Variants in KMT2C observed in about 807,000 individuals in gnomAD.
KMT2C encodes the protein histone-lysine N-methyltransferase 2C.
In KMT2C, 88 loss-of-function variants were observed where a neutral mutation model predicts 507.9. The ratio of observed to expected loss-of-function variants is 0.17; its 90% CI spans 0.15 to 0.21. The LOEUF (loss-of-function observed/expected upper bound fraction) is 0.21. Among genes scored for constraint, KMT2C ranks in the 10% least tolerant of loss-of-function variants. The pLI, the probability that KMT2C is intolerant of heterozygous loss-of-function variation, is 1.00. For missense variants in KMT2C, 4,954 were observed against 5,957.8 expected, an observed-to-expected ratio of 0.83 and a Z score of 5.55; for synonymous variants, 2,049 against 2,080.8, an observed-to-expected ratio of 0.98 and a Z score of 0.42.
intron 2 of KMT2C, among the ~76,000 whole-genome samples, chr7:152,333,202 A>G (rs1330732561): frequency 6.6e-6 from 1 of 152,048 alleles, no homozygotes; most frequent in Non-Finnish European, 1.5e-5. Flanking sequence ...GCTGGAGTGC[A>G]GTAGTATGAT....
At chr7:152,233,909 C>T (rs1274348037) in intron 16 of KMT2C, among the ~76,000 whole-genome samples, 2 of 152,154 alleles carry the variant, frequency 1.3e-5, no homozygotes, top group African/African-American at 4.8e-5. Flanking sequence ...CTTTGGGAGA[C>T]GGATCATCTG....
chr7:152,416,120 G>A (rs1253086733), intron 1 of KMT2C, among the ~76,000 whole-genome samples: 1 of 152,198 alleles, frequency 6.6e-6, no homozygotes, highest in Non-Finnish European at 1.5e-5. Context: ...TGGGCATGGT[G>A]GCTTATGCCT....
rs1357113223 is a variant in KMT2C at position 152,182,036 on chromosome 7, T to C, written c.5824A>G (p.Thr1942Ala). The C allele has an allele frequency of 1.2e-6, 2 of 1,614,062 alleles. No homozygotes were observed. Among genetic ancestry groups the C allele is most frequent in the African/African-American group, 1.3e-5 (1 of 74,914 alleles). The change falls in exon 36 of 59, where the codon ACA (threonine) becomes GCA (alanine). Residue 1942 changes from threonine to alanine, a missense_variant. Coordinates refer to ENST00000262189, the MANE Select transcript of KMT2C (RefSeq NM_170606.3). ...VSRPLQMNET[T>A]ANRPSPVRDL... is the part of the protein sequence containing the mutation. ...CTGACAGGGGATGGCCTATTTGCTG[T>C]TGTCTCATTCATTTGAAGGGGCCTA...
At chr7:152,186,547 G>A (rs564079018) in intron 33 of KMT2C, among the ~76,000 whole-genome samples, 1 of 152,154 alleles carries the variant, frequency 6.6e-6, no homozygotes, top group Admixed American at 6.5e-5. Flanking sequence ...ATCCAAAAAG[G>A]TACCTAAATA....
At chr7:152,320,211 A>C (rs2096760521) in intron 3 of KMT2C, among the ~76,000 whole-genome samples, 1 of 152,116 alleles carries the variant, frequency 6.6e-6, no homozygotes, top group Non-Finnish European at 1.5e-5. Context: ...AAAATCCAAA[A>C]AAAATCCAAA....
chr7:152,287,240 T>C (rs1034319650), intron 6 of KMT2C, among the ~76,000 whole-genome samples: 8 of 152,218 alleles, frequency 5.3e-5, no homozygotes, highest in African/African-American at 1.9e-4. Flanking sequence ...TATTGGAGAA[T>C]CCAAACTCAA....
chr7:152,416,722 T>A (rs1262131414), intron 1 of KMT2C, among the ~76,000 whole-genome samples: 6 of 134,846 alleles, frequency 4.4e-5, no homozygotes, highest in Non-Finnish European at 7.9e-5. Flanking sequence ...AGACTCTGTA[T>A]CAAAAAAAAA....
rs542548967 is a variant in KMT2C at position 152,136,093 on chromosome 7, T to C, written c.*739A>G. 4.6e-6 allele frequency: 1 copy of C among 216,632 alleles called. No individual in the cohort carries two copies. Among genetic ancestry groups the C allele is most frequent in the African/African-American group, 2.2e-5 (1 of 44,588 alleles). 13.4% of individuals were successfully genotyped at this position (216,632 alleles called of 1,614,324 possible). On this transcript the variant is annotated 3_prime_UTR_variant, in exon 59 of 59. Transcript: ENST00000262189. Reference sequence around the variant, plus strand: ...ATCTGTACAAAGTAACAGGGTTTGTTAGTTCTGCAGGTAACAGCAGCAGCT... The same window carrying C: ...ATCTGTACAAAGTAACAGGGTTTGTCAGTTCTGCAGGTAACAGCAGCAGCT...
In KMT2C at chr7:152,163,375, T is replaced by TTACGTTCCC. The variant is rs2092561347; in HGVS notation, c.10193_10201dup (p.Arg3398_Arg3400dup). On this transcript the variant is annotated inframe_insertion, in exon 43 of 59. Coordinates refer to ENST00000262189, the MANE Select transcript of KMT2C (RefSeq NM_170606.3). ...CTCTTGCTGTTCTCGTAAACGTTCC[T>TTACGTTCCC]TACGTTCCCGTTCTTGAAAACTTTC... The TTACGTTCCC allele has an allele frequency of 2.5e-6, 4 of 1,614,226 alleles. No homozygotes were observed. The highest frequency in any genetic ancestry group is 1.1e-5 in the South Asian group (1 of 91,080).
At chr7:152,397,829 A>C (rs1388736854) in intron 1 of KMT2C, among the ~76,000 whole-genome samples, 2 of 152,190 alleles carry the variant, frequency 1.3e-5, no homozygotes, top group East Asian at 3.8e-4. Flanking sequence ...ACCACGTAAG[A>C]CATGCCTTCT....
chr7:152,354,011 T>C lies in KMT2C; in HGVS notation c.250+4576A>G, dbSNP rs1047445597. Among the ~76,000 whole-genome samples the C allele has an allele frequency of 3.3e-5, 5 of 152,188 alleles. No homozygotes were observed. The South Asian group carries it at 6.2e-4, about 19-fold the overall frequency. ...TTTAGTGGTTATAACAGTTATTCTT[T>C]CTTTCACTGTTCTCCTTGCCCTATG... On this transcript the variant is annotated intron_variant, in intron 2 of 58. Transcript: ENST00000262189.
intron 6 of KMT2C, among the ~76,000 whole-genome samples, chr7:152,283,088 A>G (rs1197698884): frequency 6.6e-6 from 1 of 152,272 alleles, no homozygotes; most frequent in Non-Finnish European, 1.5e-5. Context: ...AATGCGCCAT[A>G]AAGCTAATTC....
At chr7:152,327,040 T>A (rs2096835374) in intron 3 of KMT2C, among the ~76,000 whole-genome samples, 1 of 152,222 alleles carries the variant, frequency 6.6e-6, no homozygotes, top group Admixed American at 6.5e-5. Flanking sequence ...GCTTTCTCAG[T>A]GTACATTCAC....
chr7:152,336,180 G>T (rs1349446321), intron 2 of KMT2C, among the ~76,000 whole-genome samples: 2 of 152,072 alleles, frequency 1.3e-5, no homozygotes, highest in African/African-American at 4.8e-5. Context: ...TTCCTAGATA[G>T]CAGTAATTCC....
chr7:152,187,364 T>C lies in KMT2C; in HGVS notation c.4906A>G (p.Thr1636Ala). Residue 1636 changes from threonine to alanine, a missense_variant, in exon 33 of 59, where the codon ACG becomes GCG. By Grantham distance (58) the Thr-to-Ala change is moderately conservative. Coordinates refer to ENST00000262189, the MANE Select transcript of KMT2C (RefSeq NM_170606.3). Reference sequence around the variant, plus strand: ...GCCTCCTCTTTCTCCCACTTAAGCGTGCTTCTCTGGGCATTCGACATTGTG... The same window carrying C: ...GCCTCCTCTTTCTCCCACTTAAGCGCGCTTCTCTGGGCATTCGACATTGTG... Reference protein sequence around the residue: ...NDTMSNAQRSTLKWEKEEALG... With the variant: ...NDTMSNAQRSALKWEKEEALG... 6.2e-7 allele frequency: 1 copy of C among 1,613,996 alleles called. No homozygotes were observed. Among genetic ancestry groups the C allele is most frequent in the Non-Finnish European group, 8.5e-7 (1 of 1,179,922 alleles).
intron 31 of KMT2C, among the ~76,000 whole-genome samples, chr7:152,189,606 T>G (rs1361836342): frequency 4.6e-5 from 7 of 152,166 alleles, no homozygotes; most frequent in Non-Finnish European, 1.0e-4. Flanking sequence ...AAAACCTACA[T>G]AGCTCCAGTA....
chr7:152,196,072 C>G (rs917768177), intron 27 of KMT2C, 61 bp from the exon 28 acceptor site: 3 of 968,522 alleles, frequency 3.1e-6, no homozygotes, highest in African/African-American at 3.4e-5. Flanking sequence ...AAGCCATTTG[C>G]TAAAAACCTA....
Position 152,181,859 on chromosome 7 carries a change from C to T in KMT2C, c.6001G>A (p.Ala2001Thr). Residue 2001 changes from alanine to threonine, a missense_variant, in exon 36 of 59, where the codon GCT becomes ACT. Physicochemically the swap from Ala to Thr is moderately conservative, Grantham distance 58 (BLOSUM62 0). Around this residue, in one of 29 missense-constraint regions of KMT2C, gnomAD observed 1,689 missense variants for 1,654.3 expected, o/e 1.02. Transcript: ENST00000262189. Reference sequence around the variant, plus strand: ...TTAGTAAAGTGATCACTGGTTCCAGCTGCTATAGGGCCTTTTGCAGTTTGT... The same window carrying T: ...TTAGTAAAGTGATCACTGGTTCCAGTTGCTATAGGGCCTTTTGCAGTTTGT... The part of the protein sequence containing the change: ...SEQTAKGPIA[A>T]GTSDHFTKPS... 2 of 1,614,162 alleles carry T rather than the reference C, an allele frequency of 1.2e-6. No homozygotes were observed. Among genetic ancestry groups the T allele is most frequent in the Non-Finnish European group, 1.7e-6 (2 of 1,180,028 alleles).
intron 26 of KMT2C, among the ~76,000 whole-genome samples, chr7:152,202,439 T>G (rs13235375): frequency 0.05 from 7,647 of 152,266 alleles, 326 homozygotes; most frequent in East Asian, 0.17. Context: ...TGAAAGGTAT[T>G]TTTCTGATGT....
Sources: allele counts gnomAD v4.1 joint callset (sites outside exome capture counted in the v4.1 genomes callset), GRCh38; gene constraint gnomAD v4.1.1; regional missense constraint gnomAD v4.1.1; transcripts MANE v1.5; gene names NCBI Gene and HGNC (gene_info 2026-07-23, HGNC 2026-07-21).